Variants in UBE2E3 observed in about 807,000 individuals in gnomAD.
The protein encoded by UBE2E3 is ubiquitin-conjugating enzyme E2 E3.
UBE2E3 carries 5 observed loss-of-function variants against 23.6 expected under a neutral mutation model. The ratio of observed to expected loss-of-function variants is 0.21; its 90% CI spans 0.11 to 0.44. The LOEUF is 0.44. Ranked by LOEUF, UBE2E3 falls within the 20% of genes least tolerant of loss-of-function variation. The probability of loss-of-function intolerance (pLI) is 0.99; values close to 1 mark genes in which losing one functional copy is unlikely to be tolerated. For synonymous variants in UBE2E3, 78 were observed against 87.5 expected (o/e 0.89, Z 0.60); for missense variants, 81 against 249.8 (o/e 0.32, Z 4.55).
intron 3 of UBE2E3, among the ~76,000 whole-genome samples, chr2:181,006,550 A>T (rs923946493): frequency 6.6e-6 from 1 of 152,104 alleles, no homozygotes; most frequent in Non-Finnish European, 1.5e-5. Flanking sequence ...ACTTATATGC[A>T]TGTTAAATAT....
chr2:181,015,496 C>T (rs1168075287), intron 3 of UBE2E3, among the ~76,000 whole-genome samples: 3 of 151,784 alleles, frequency 2.0e-5, no homozygotes, highest in African/African-American at 7.3e-5. Flanking sequence ...TTAAAAAGAC[C>T]AAGTGGTGAA....
intron 3 of UBE2E3, among the ~76,000 whole-genome samples, chr2:181,039,465 A>G: frequency 6.6e-6 from 1 of 152,078 alleles, no homozygotes; most frequent in African/African-American, 2.4e-5. Context: ...TCGAATGTAA[A>G]AACATTGTCT....
At chr2:181,010,795 G>C (rs774562193) in intron 3 of UBE2E3, among the ~76,000 whole-genome samples, 5 of 151,234 alleles carry the variant, frequency 3.3e-5, no homozygotes, top group Non-Finnish European at 5.9e-5. Flanking sequence ...TTTACCTCCT[G>C]TTGTCATATC....
chr2:181,035,480 T>C lies in UBE2E3; in HGVS notation c.246-22213T>C, dbSNP rs554210407. On this transcript the variant is annotated intron_variant, in intron 3 of 5. Coordinates refer to ENST00000410062, the MANE Select transcript of UBE2E3 (RefSeq NM_006357.4). ...TGATATATATTACTTTCAGTAGATG[T>C]ATTATATATTACTCTTAGTAATATT... 3.3e-5 allele frequency among the ~76,000 whole-genome samples: 5 copies of C among 152,146 alleles called. No homozygotes were observed. In the East Asian group the frequency reaches 9.6e-4, roughly 29 times the overall value.
chr2:181,032,278 A>G (rs946461757), intron 3 of UBE2E3, among the ~76,000 whole-genome samples: 1 of 152,226 alleles, frequency 6.6e-6, no homozygotes, highest in Admixed American at 6.5e-5. Flanking sequence ...CCTGGTAGCA[A>G]TTGCATAAAA....
In UBE2E3 at chr2:180,980,734, ACCCC is replaced by A. The variant is rs1684249842; in HGVS notation, c.-263_-260del. 6.9e-6 allele frequency: 1 copy of A among 145,170 alleles called. No individual in the cohort carries two copies. Among genetic ancestry groups the A allele is most frequent in the South Asian group, 2.1e-4 (1 of 4,672 alleles). 9.0% of individuals were successfully genotyped at this position (145,170 alleles called of 1,614,324 possible). A position where few individuals can be genotyped will look rare whatever the true frequency, so the allele number is the denominator to read the frequency against. ...CGCGCCCTCGCCCAGCCGAGCTCCC[ACCCC>A]CGCTTTTTTCCGAAGGCGCTGGGCG... On this transcript the variant is annotated 5_prime_UTR_variant, in exon 1 of 6. Coordinates refer to ENST00000410062, the MANE Select transcript of UBE2E3 (RefSeq NM_006357.4). This position sits in a 1 kb window ranked among gnomAD's most constrained non-coding sequence, Gnocchi z 5.5.
intron 3 of UBE2E3, among the ~76,000 whole-genome samples, chr2:180,986,924 C>A (rs1030597920): frequency 6.6e-6 from 1 of 152,020 alleles, no homozygotes; most frequent in African/African-American, 2.4e-5. Context: ...ATGAAATATT[C>A]TTTAATTAGT....
intron 3 of UBE2E3, among the ~76,000 whole-genome samples, chr2:181,029,300 T>C (rs889422137): frequency 6.6e-6 from 1 of 152,164 alleles, no homozygotes; most frequent in Non-Finnish European, 1.5e-5. Context: ...TCATATAAAA[T>C]GAGAATCAGC....
intron 3 of UBE2E3, among the ~76,000 whole-genome samples, chr2:181,007,419 T>C (rs925559041): frequency 4.6e-5 from 7 of 152,230 alleles, no homozygotes; most frequent in Non-Finnish European, 1.0e-4. Flanking sequence ...CTTTCATCAT[T>C]TTATAAATAT....
At chr2:180,993,760 A>G (rs565599610) in intron 3 of UBE2E3, among the ~76,000 whole-genome samples, 3 of 152,136 alleles carry the variant, frequency 2.0e-5, no homozygotes, top group Non-Finnish European at 2.9e-5. Flanking sequence ...CAGGGTCCCG[A>G]AGAGAATCGA....
chr2:181,014,645 G>A (rs1685432948), intron 3 of UBE2E3, among the ~76,000 whole-genome samples: 1 of 152,164 alleles, frequency 6.6e-6, no homozygotes, highest in Non-Finnish European at 1.5e-5. Context: ...TGCCAGGTAA[G>A]TTGAGGACTG....
chr2:181,055,303 C>G (rs576002685), intron 3 of UBE2E3, among the ~76,000 whole-genome samples: 12 of 151,840 alleles, frequency 7.9e-5, no homozygotes, highest in Middle Eastern at 3.4e-3. Context: ...TTATTGGCAT[C>G]ACTCACCAGA....
At chr2:181,058,156 G>A (rs948529786) in intron 4 of UBE2E3, among the ~76,000 whole-genome samples, 2 of 151,614 alleles carry the variant, frequency 1.3e-5, no homozygotes, top group Non-Finnish European at 3.0e-5. Flanking sequence ...AACTATTAAG[G>A]TATTAATGAA....
upstream of UBE2E3, chr2:180,980,518 G>C (rs1459070323): frequency 6.8e-6 from 1 of 148,128 alleles, no homozygotes; most frequent in Non-Finnish European, 1.5e-5. The surrounding 1 kb of genome is among the most constrained non-coding windows in gnomAD (Gnocchi z 5.5). Flanking sequence ...GCGCCCGCCG[G>C]GCGTCGGCGG....
chr2:181,045,572 G>A (rs1296688740), intron 3 of UBE2E3, among the ~76,000 whole-genome samples: 2 of 152,110 alleles, frequency 1.3e-5, no homozygotes, highest in African/African-American at 4.8e-5. Flanking sequence ...CACCTGATGA[G>A]TTTTTAAAGC....
chr2:181,060,871 T>A, intron 5 of UBE2E3, 59 bp downstream of exon 5: 7 of 926,860 alleles, frequency 7.6e-6, no homozygotes, highest in Non-Finnish European at 1.0e-5. Flanking sequence ...CTTTTTTTTT[T>A]TTTTTTTTTT....
At chr2:181,011,464 A>T (rs1015671821) in intron 3 of UBE2E3, among the ~76,000 whole-genome samples, 1 of 152,096 alleles carries the variant, frequency 6.6e-6, no homozygotes, top group Non-Finnish European at 1.5e-5. Context: ...ACTTCCTAAT[A>T]CTGTCACAGT....
At chr2:181,024,884 A>G (rs1305163439) in intron 3 of UBE2E3, among the ~76,000 whole-genome samples, 3 of 152,018 alleles carry the variant, frequency 2.0e-5, no homozygotes, top group Non-Finnish European at 4.4e-5. Context: ...CAAATGTAGC[A>G]ATTTCAAAGG....
At chr2:180,987,370 G>A (rs1299252831) in intron 3 of UBE2E3, 11 of 1,549,936 alleles carry the variant, frequency 7.1e-6, no homozygotes, top group Middle Eastern at 1.7e-4. Context: ...GTCACCACTT[G>A]TGCAAACAGC....
Sources: gnomAD v4.1 joint callset for allele counts (sites outside exome capture counted in the v4.1 genomes callset) on GRCh38, gnomAD v4.1.1 for gene constraint, Gnocchi (gnomAD v3.1) non-coding constraint, MANE v1.5 for transcripts, NCBI Gene and HGNC (gene_info 2026-07-23, HGNC 2026-07-21) for gene names.